COL4A1: variants seen among roughly 807,000 people sequenced by gnomAD.
COL4A1 encodes the protein collagen alpha-1(IV) chain.
COL4A1 carries 40 observed loss-of-function variants against 216.6 expected under a neutral mutation model. The ratio of observed to expected loss-of-function variants is 0.18; its 90% confidence interval spans 0.14 to 0.24. The LOEUF is 0.24. Ranked by LOEUF, COL4A1 falls within the 10% of genes least tolerant of loss-of-function variation. COL4A1 has a pLI of 1.00. For synonymous variants in COL4A1, 839 were observed against 810.7 expected (o/e 1.03, Z -0.59); for missense variants, 1,628 against 2,196.8 (o/e 0.74, Z 5.18).
chr13:110,201,010 G>A (rs888825510), intron 19 of COL4A1, 121 bp from the exon 20 acceptor site: 27 of 1,098,048 alleles, frequency 2.5e-5, no homozygotes, highest in African/African-American at 9.2e-5. Flanking sequence ...CAAAGGGAAC[G>A]TAGAAAACAG....
At position 110,207,472 on chromosome 13, in the gene COL4A1, A is replaced by C. The variant is rs1185426571; in HGVS notation, c.711T>G (p.Ser237Arg). Reference protein sequence around the residue: ...PKGDKGDQGVSGPPGVPGQAQ... With the variant: ...PKGDKGDQGVRGPPGVPGQAQ... Reference sequence around the variant, plus strand: ...CTTGTCCTGGTACTCCTGGAGGCCCACTGACCCCTTGGTCACCCTGTCGAC... The same window carrying C: ...CTTGTCCTGGTACTCCTGGAGGCCCCCTGACCCCTTGGTCACCCTGTCGAC... The change falls in exon 13 of 52, where the codon AGT becomes AGG. Residue 237 changes from serine (S) to arginine (R), a missense_variant. Ser to Arg is a moderately radical substitution (Grantham distance 110). Coordinates refer to ENST00000375820, the MANE Select transcript of COL4A1 (RefSeq NM_001845.6). The surrounding 1 kb of genome is among the most constrained non-coding windows in gnomAD (Gnocchi z 4.4). The C allele has an allele frequency of 6.2e-7, 1 of 1,614,116 alleles. No individual in the cohort carries two copies. Among genetic ancestry groups the C allele is most frequent in the Non-Finnish European group, 8.5e-7 (1 of 1,180,006 alleles).
chr13:110,199,804 G>A (rs1262972957), intron 20 of COL4A1, among the ~76,000 whole-genome samples: 1 of 152,232 alleles, frequency 6.6e-6, no homozygotes, highest in Admixed American at 6.5e-5. Flanking sequence ...TAGATAAAAG[G>A]CTGTAGACAG....
At chr13:110,189,851 G>C (rs1878556907) in intron 24 of COL4A1, among the ~76,000 whole-genome samples, 1 of 151,922 alleles carries the variant, frequency 6.6e-6, no homozygotes, top group African/African-American at 2.4e-5. Context: ...CTCTCCACTA[G>C]TATTTCAGGG....
At chr13:110,230,174 G>C (rs529912581) in intron 2 of COL4A1, among the ~76,000 whole-genome samples, 1 of 152,292 alleles carries the variant, frequency 6.6e-6, no homozygotes, top group South Asian at 2.1e-4. Context: ...GTGTGTGTGA[G>C]TGTGTGCCCG....
chr13:110,299,790 G>A (rs1884422700), intron 1 of COL4A1, among the ~76,000 whole-genome samples: 1 of 152,206 alleles, frequency 6.6e-6, no homozygotes, highest in Non-Finnish European at 1.5e-5. Context: ...CCTTAGTCTG[G>A]TGGTAGCAAA....
At chr13:110,198,078 GGTGTGTGTGT>G (rs35751015) in intron 21 of COL4A1, among the ~76,000 whole-genome samples, 146 of 141,934 alleles carry the variant, frequency 1.0e-3, no homozygotes, top group Non-Finnish European at 3.2e-4. Flanking sequence ...TTGTTTCTGG[GGTGTGTGTGT>G]GTGTGTGTGT....
chr13:110,187,273 A>C lies in COL4A1; in HGVS notation c.1593T>G (p.Gly531=). 6.2e-7 allele frequency: 1 copy of C among 1,613,404 alleles called. No individual in the cohort carries two copies. The highest frequency in any genetic ancestry group is 8.5e-7 in the Non-Finnish European group (1 of 1,179,886). ...TGAGCCGCAAGTCGAAATAAAACTC[A>C]CCAGGCTCCCCCTTGGCTCCTGGCT... The part of the protein sequence containing the change: ...IGQPGAKGEP[G]EFYFDLRLKG... The change falls in exon 25 of 52, where the codon GGT becomes GGG. Residue 531 remains glycine, a synonymous_variant. Transcript: ENST00000375820.
At chr13:110,179,549 C>T (rs1360507178) in intron 29 of COL4A1, 128 bp from the exon 30 acceptor site, 7 of 1,378,810 alleles carry the variant, frequency 5.1e-6, no homozygotes, top group Non-Finnish European at 7.1e-6. Flanking sequence ...TCTGCTCAAC[C>T]CTTTTCAAGC....
At chr13:110,157,202 C>T (rs76713156) in intron 49 of COL4A1, among the ~76,000 whole-genome samples, 20 of 152,180 alleles carry the variant, frequency 1.3e-4, no homozygotes, top group South Asian at 4.1e-4. Flanking sequence ...CAAGACAGAA[C>T]GAAAATGCAG....
At chr13:110,199,294 G>A (rs962971226) in intron 20 of COL4A1, among the ~76,000 whole-genome samples, 2 of 152,224 alleles carry the variant, frequency 1.3e-5, no homozygotes, top group Admixed American at 6.5e-5. Context: ...AGGCTATGAT[G>A]AGGAGAGTGT....
rs755291402 is a variant in COL4A1 at position 110,152,407 on chromosome 13, G to A, written c.4855C>T (p.Arg1619Cys). The A allele has an allele frequency of 7.4e-6, 12 of 1,614,196 alleles. No individual in the cohort carries two copies. Among genetic ancestry groups the A allele is most frequent in the East Asian group, 6.7e-5 (3 of 44,876 alleles). Residue 1619 changes from arginine to cysteine, a missense_variant, in exon 51 of 52, where the codon CGT (arginine) becomes TGT (cysteine). Around this residue, in one of 8 missense-constraint regions of COL4A1, gnomAD observed 254 missense variants for 300.1 expected, o/e 0.85. Transcript: ENST00000375820. ...RSAPFIECHG[R>C]GTCNYYANAY... is the part of the protein sequence containing the mutation. ...TTTGCGTAGTAATTGCAGGTCCCACGGCCGTGACACTCGATGAATGGCGCA... is the reference window on the plus strand; with the variant it reads ...TTTGCGTAGTAATTGCAGGTCCCACAGCCGTGACACTCGATGAATGGCGCA...
intron 2 of COL4A1, among the ~76,000 whole-genome samples, chr13:110,229,112 TCA>T (rs1247398609): frequency 6.6e-6 from 1 of 152,174 alleles, no homozygotes; most frequent in Non-Finnish European, 1.5e-5. Flanking sequence ...TCAGAATACA[TCA>T]CCGAAAACAT....
At chr13:110,260,717 T>C (rs762908974) in intron 1 of COL4A1, among the ~76,000 whole-genome samples, 68 of 152,080 alleles carry the variant, frequency 4.5e-4, no homozygotes, top group Non-Finnish European at 4.7e-4. Flanking sequence ...CACACAACAG[T>C]ATGACTGTAC....
At chr13:110,294,179 C>T (rs976878070) in intron 1 of COL4A1, among the ~76,000 whole-genome samples, 10 of 152,166 alleles carry the variant, frequency 6.6e-5, no homozygotes, top group Admixed American at 2.0e-4. Flanking sequence ...GATGGTAGCA[C>T]GACCACTCGG....
At chr13:110,301,627 C>T (rs1411119360) in intron 1 of COL4A1, among the ~76,000 whole-genome samples, 1 of 152,192 alleles carries the variant, frequency 6.6e-6, no homozygotes, top group Non-Finnish European at 1.5e-5. Flanking sequence ...ACCACTCTGA[C>T]TCGAGAGGGG....
At chr13:110,282,549 A>T (rs1284099519) in intron 1 of COL4A1, among the ~76,000 whole-genome samples, 2 of 152,198 alleles carry the variant, frequency 1.3e-5, no homozygotes, top group Non-Finnish European at 2.9e-5. Flanking sequence ...TCAAGTGTCA[A>T]TTCCTACCAG....
At chr13:110,236,031 T>C (rs1261924336) in intron 2 of COL4A1, among the ~76,000 whole-genome samples, 1 of 152,150 alleles carries the variant, frequency 6.6e-6, no homozygotes, top group African/African-American at 2.4e-5. Flanking sequence ...ACTATGAAAA[T>C]ACCCTAAATT....
chr13:110,150,298 C>T lies in COL4A1; in HGVS notation c.*65G>A, dbSNP rs1342177406. The T allele has an allele frequency of 4.2e-6, 6 of 1,435,692 alleles. No individual in the cohort carries two copies. The highest frequency in any genetic ancestry group is 1.4e-5 in the African/African-American group (1 of 71,216). 88.9% of individuals were successfully genotyped at this position (1,435,692 alleles called of 1,614,324 possible). The stretch of plus-strand genomic sequence containing the variant: ...GTACACAGGATATATTTCTAGGGTT[C>T]GTTGCTGTTAACAAAAAGAAGAAGA... On this transcript the variant is annotated 3_prime_UTR_variant, in exon 52 of 52. Transcript: ENST00000375820.
intron 1 of COL4A1, among the ~76,000 whole-genome samples, chr13:110,253,975 C>A (rs1406963005): frequency 6.6e-6 from 1 of 151,920 alleles, no homozygotes; most frequent in Non-Finnish European, 1.5e-5. Context: ...ATATTCCTAA[C>A]CCCAAAATCC....
Sources: allele counts gnomAD v4.1 joint callset (sites outside exome capture counted in the v4.1 genomes callset), GRCh38; gene constraint gnomAD v4.1.1; regional missense constraint gnomAD v4.1.1; non-coding constraint Gnocchi (gnomAD v3.1); transcripts MANE v1.5; gene names NCBI Gene and HGNC (gene_info 2026-07-23, HGNC 2026-07-21).